The following PDE10A variants were observed in gnomAD, a reference collection of about 807,000 sequenced individuals.
PDE10A encodes phosphodiesterase 10A.
PDE10A carries 39 observed loss-of-function variants against 97.7 expected under a neutral mutation model. The observed-to-expected ratio is 0.40, with a 90% CI of 0.31 to 0.52. The LOEUF is 0.52. Among genes scored for constraint, PDE10A ranks in the 20% least tolerant of loss-of-function variants. The probability of loss-of-function intolerance (pLI) is 0.56; values close to 1 mark genes in which losing one functional copy is unlikely to be tolerated. For missense variants in PDE10A, 731 were observed against 1,047.8 expected (o/e 0.70, Z 4.17); for synonymous variants, 371 against 376.8 (o/e 0.98, Z 0.18).
At position 165,455,907 on chromosome 6, in the gene PDE10A, C is replaced by G. The variant is rs1419230974; in HGVS notation, c.1024-5545G>C. 1.3e-5 allele frequency among the ~76,000 whole-genome samples: 2 copies of G among 152,078 alleles called. 1 individual carries two copies. The highest frequency in any genetic ancestry group is 2.9e-5 in the Non-Finnish European group (2 of 68,018). ...ATTTTTGTCCAAGTCTTGTTCTTAC[C>G]CAAGTACCTGTTGATAGGTATTTAC... On this transcript the variant is annotated intron_variant, in intron 3 of 21. Coordinates refer to ENST00000539869, the MANE Select transcript of PDE10A (RefSeq NM_001385079.1).
In PDE10A at chr6:165,943,282, A is replaced by G. The variant is rs1435552525; in HGVS notation, c.-615+44247T>C. Among the ~76,000 whole-genome samples, 48 of 132,740 alleles carry G rather than the reference A, an allele frequency of 3.6e-4. 3 individuals carry two copies. The highest frequency in any genetic ancestry group is 1.1e-3 in the African/African-American group (35 of 32,844). 87.1% of individuals were successfully genotyped at this position (132,740 alleles called of 152,430 possible). A position where few individuals can be genotyped will look rare whatever the true frequency, so the allele number is the denominator to read the frequency against. ...AGGAAGGAAGGAAGGAAGGAAAGAA[A>G]GAAAGAAAGAAGGAAAGAAAGAAAG... On this transcript the variant is annotated intron_variant, in intron 1 of 19. Transcript: ENST00000366882.
At chr6:165,786,971 C>A (rs1207801170) in intron 1 of PDE10A, among the ~76,000 whole-genome samples, 3 of 151,970 alleles carry the variant, frequency 2.0e-5, no homozygotes, top group South Asian at 4.2e-4. Flanking sequence ...ATTAACATTT[C>A]TTTGCTTCAT....
At chr6:165,636,739 TTGGAGG>T (rs1788898126) in intron 1 of PDE10A, among the ~76,000 whole-genome samples, 1 of 152,212 alleles carries the variant, frequency 6.6e-6, no homozygotes, top group Non-Finnish European at 1.5e-5. Context: ...GAAGTACTAA[TTGGAGG>T]TGCAGAAATG....
chr6:165,621,771 A>AAGAAGAAGAAG (rs112872551), intron 1 of PDE10A, among the ~76,000 whole-genome samples: 13,524 of 133,908 alleles, frequency 0.1, 661 homozygotes, highest in Middle Eastern at 0.12. Context: ...AAGAAAAAAA[A>AAGAAGAAGAAG]AAGAAGAAGA....
intron 1 of PDE10A, among the ~76,000 whole-genome samples, chr6:165,639,941 A>G (rs1028560784): frequency 6.6e-6 from 1 of 151,826 alleles, no homozygotes; most frequent in African/African-American, 2.4e-5. Context: ...GTGGTGGTGC[A>G]CACCTGTGGT....
chr6:165,342,388 TAAAG>T (rs1231785320), intron 19 of PDE10A, among the ~76,000 whole-genome samples: 1 of 152,164 alleles, frequency 6.6e-6, no homozygotes, highest in Non-Finnish European at 1.5e-5. Flanking sequence ...CACAATAAAA[TAAAG>T]AAAAAGCTCA....
Position 165,877,180 on chromosome 6 carries a change from T to C in PDE10A, c.-615+110349A>G, listed in dbSNP as rs188810339. Among the ~76,000 whole-genome samples, 164 of 152,280 alleles carry C rather than the reference T, an allele frequency of 1.1e-3. 1 individual carries two copies. Among genetic ancestry groups the C allele is most frequent in the African/African-American group, 3.8e-3 (156 of 41,552 alleles). Reference sequence around the variant, plus strand: ...ACGTGTGGGTCTCAAAACTTACACCTCATTGACAAGCCCCATCATTTAGTC... The same window carrying C: ...ACGTGTGGGTCTCAAAACTTACACCCCATTGACAAGCCCCATCATTTAGTC... On this transcript the variant is annotated intron_variant, in intron 1 of 19. Coordinates refer to the PDE10A transcript ENST00000366882.
intron 1 of PDE10A, among the ~76,000 whole-genome samples, chr6:165,875,895 G>A (rs1448716136): frequency 6.6e-6 from 1 of 152,106 alleles, no homozygotes; most frequent in African/African-American, 2.4e-5. Context: ...AGCTGTGAAG[G>A]TCAGAGCAGG....
At chr6:165,409,841 CTAAA>C (rs1251508237) in intron 13 of PDE10A, among the ~76,000 whole-genome samples, 4 of 149,340 alleles carry the variant, frequency 2.7e-5, no homozygotes, top group South Asian at 2.1e-4. Context: ...AATAATTTAA[CTAAA>C]TAATCAATGT....
intron 3 of PDE10A, among the ~76,000 whole-genome samples, chr6:165,482,011 G>C (rs768470425): frequency 6.6e-6 from 1 of 152,146 alleles, no homozygotes; most frequent in Non-Finnish European, 1.5e-5. Context: ...TGGTTCAAGG[G>C]AAGCCAGAAA....
At position 165,482,209 on chromosome 6, in the gene PDE10A, T is replaced by C. The variant is rs56006609; in HGVS notation, c.1023+106A>G. 1.8e-3 allele frequency: 1,466 copies of C among 827,042 alleles called. 29 individuals carry two copies. In the South Asian group the frequency reaches 0.02, roughly 11 times the overall value. The allele number at this position is 827,042 out of a possible 1,614,324, so 51.2% of individuals were successfully genotyped here. A position where few individuals can be genotyped will look rare whatever the true frequency, so the allele number is the denominator to read the frequency against. ...ATACTTTGGAGAGGAAACTCAGTTT[T>C]TGCCATAATCTTTCTGATACTTTAA... On this transcript the variant is annotated intron_variant, in intron 3 of 21. Transcript: ENST00000539869.
chr6:165,967,325 C>T (rs1784540444), intron 1 of PDE10A, among the ~76,000 whole-genome samples: 1 of 152,122 alleles, frequency 6.6e-6, no homozygotes, highest in Non-Finnish European at 1.5e-5. Context: ...GGTGAAACCC[C>T]ACCTCTACTA....
intron 10 of PDE10A, among the ~76,000 whole-genome samples, chr6:165,421,817 C>T (rs79632756): frequency 0.1 from 15,462 of 152,178 alleles, 952 homozygotes; most frequent in Middle Eastern, 0.17. Flanking sequence ...CTTCCAGCAC[C>T]TTGGGAGGCC....
At chr6:165,937,528 CT>C (rs1429663878) in intron 1 of PDE10A, among the ~76,000 whole-genome samples, 12 of 152,272 alleles carry the variant, frequency 7.9e-5, no homozygotes, top group African/African-American at 2.9e-4. Context: ...TTTTATATCA[CT>C]TAATATTTTT....
chr6:165,827,219 G>A (rs1340511573), intron 1 of PDE10A, among the ~76,000 whole-genome samples: 1 of 152,206 alleles, frequency 6.6e-6, no homozygotes, highest in Non-Finnish European at 1.5e-5. Context: ...CAGGTCCCCG[G>A]CAAAACACAG....
chr6:165,831,547 G>C (rs1459452028), intron 1 of PDE10A, among the ~76,000 whole-genome samples: 1 of 144,970 alleles, frequency 6.9e-6, no homozygotes, highest in African/African-American at 2.6e-5. Context: ...GCACGATCTC[G>C]GCTCACTGCA....
chr6:165,966,862 A>G (rs1420512841), intron 1 of PDE10A, among the ~76,000 whole-genome samples: 1 of 152,242 alleles, frequency 6.6e-6, no homozygotes, highest in African/African-American at 2.4e-5. Context: ...ACTGCACACA[A>G]TAAGTCAAGA....
intron 1 of PDE10A, among the ~76,000 whole-genome samples, chr6:165,595,912 C>A (rs533003575): frequency 4.1e-4 from 62 of 152,308 alleles, no homozygotes; most frequent in African/African-American, 1.4e-3. Context: ...ATACCATCTA[C>A]CTTGGTGATT....
rs561173644 is a variant in PDE10A at position 165,446,818 on chromosome 6, G to A, written c.1194+2110C>T. ...AAGACAGACTCAGTCCCTGAGATGC[G>A]GGAAAGAAAGAAGGAACAGGGAATC... On this transcript the variant is annotated intron_variant, in intron 5 of 21. Transcript: ENST00000539869. Among the ~76,000 whole-genome samples the A allele has an allele frequency of 9.9e-5, 15 of 152,202 alleles. No individual in the cohort carries two copies. In the South Asian group the frequency reaches 1.9e-3, roughly 19 times the overall value.
Sources: allele counts gnomAD v4.1 joint callset (sites outside exome capture counted in the v4.1 genomes callset), GRCh38; gene constraint gnomAD v4.1.1; transcripts MANE v1.5; gene names NCBI Gene and HGNC (gene_info 2026-07-23, HGNC 2026-07-21).